Variants in CACNA1C observed in about 807,000 individuals in gnomAD.
CACNA1C encodes calcium voltage-gated channel subunit alpha1 C, also known as voltage-dependent L-type calcium channel subunit alpha-1C.
CACNA1C carries 30 observed loss-of-function variants against 229.0 expected under a neutral mutation model. The ratio of observed to expected loss-of-function variants is 0.13; its 90% CI spans 0.10 to 0.18. The LOEUF (loss-of-function observed/expected upper bound fraction) is 0.18. CACNA1C is among the 10% of genes least tolerant of loss of function. The pLI is 1.00. For missense variants in CACNA1C, 1,658 were observed against 2,845.0 expected (o/e 0.58, Z 9.49); for synonymous variants, 1,114 against 1,132.5 (o/e 0.98, Z 0.33).
chr12:2,359,162 C>T (rs1055455881), intron 3 of CACNA1C, among the ~76,000 whole-genome samples: 2 of 152,202 alleles, frequency 1.3e-5, no homozygotes, highest in African/African-American at 4.8e-5. Flanking sequence ...TGATGACCCA[C>T]CCATCTCCTA....
At chr12:2,291,386 A>G (rs2093486670) in intron 3 of CACNA1C, among the ~76,000 whole-genome samples, 1 of 152,018 alleles carries the variant, frequency 6.6e-6, no homozygotes, top group Admixed American at 6.6e-5. Context: ...TGCACCACCT[A>G]CTGGTGGTTT....
In CACNA1C at chr12:2,585,720, G is replaced by C. The variant is rs185358809; in HGVS notation, c.2461-115G>C. On this transcript the variant is annotated intron_variant, in intron 17 of 46. Coordinates refer to ENST00000399655, the MANE Select transcript of CACNA1C (RefSeq NM_000719.7). The surrounding 1 kb of genome is among the most constrained non-coding windows in gnomAD (Gnocchi z 4.1). ...TTGAAGGAGATATGCAAAGTGACAAGTACCTATTTTTGAGCTAAGTCACTG... is the reference window on the plus strand; with the variant it reads ...TTGAAGGAGATATGCAAAGTGACAACTACCTATTTTTGAGCTAAGTCACTG... 3.2e-4 allele frequency: 295 copies of C among 924,286 alleles called. No individual in the cohort carries two copies. The highest frequency in any genetic ancestry group is 3.5e-4 in the Non-Finnish European group (204 of 575,500). The allele number at this position is 924,286 out of a possible 1,614,324, so 57.3% of individuals were successfully genotyped here. A position where few individuals can be genotyped will look rare whatever the true frequency, so the allele number is the denominator to read the frequency against.
chr12:2,373,329 C>T (rs1056168935), intron 3 of CACNA1C, among the ~76,000 whole-genome samples: 21 of 152,196 alleles, frequency 1.4e-4, no homozygotes, highest in African/African-American at 5.1e-4. Flanking sequence ...GGGGTTTCTC[C>T]TCTCCTGGCA....
chr12:2,368,055 AT>A (rs1343975967), intron 3 of CACNA1C, among the ~76,000 whole-genome samples: 1 of 152,226 alleles, frequency 6.6e-6, no homozygotes, highest in East Asian at 1.9e-4. Context: ...ATGCTGGGAA[AT>A]TTAATACTAT....
chr12:2,394,209 C>T (rs1595096654), intron 3 of CACNA1C, among the ~76,000 whole-genome samples: 1 of 152,172 alleles, frequency 6.6e-6, no homozygotes, highest in Non-Finnish European at 1.5e-5. Context: ...GGAGGCCTGT[C>T]GTCTGCACTC....
At chr12:1,998,672 ATTTCT>A (rs890353783) in intron 1 of CACNA1C, among the ~76,000 whole-genome samples, 1 of 152,196 alleles carries the variant, frequency 6.6e-6, no homozygotes, top group African/African-American at 2.4e-5. Context: ...GTCACTTCAC[ATTTCT>A]TTTCCATTTC....
chr12:2,529,283 A>G (rs1018790942), intron 9 of CACNA1C, among the ~76,000 whole-genome samples: 4 of 152,104 alleles, frequency 2.6e-5, no homozygotes, highest in Admixed American at 6.5e-5. Flanking sequence ...CCGCTCCTTC[A>G]TGCTCCCAGA....
In CACNA1C at chr12:2,605,726, C is replaced by T. The variant is rs917266570; in HGVS notation, c.3096C>T (p.Ile1032=). Residue 1032 remains isoleucine, a synonymous_variant, in exon 24 of 47, where the codon ATC becomes ATT. Transcript: ENST00000399655. This position sits in a 1 kb window ranked among gnomAD's most constrained non-coding sequence, Gnocchi z 6.2. ...VFVAIRTIGN[I]VIVTTLLQFM... ...TCGCCATCCGGACCATCGGGAACAT[C>T]GTGATTGTCACCACCCTGCTGCAGT... The T allele has an allele frequency of 3.7e-6, 6 of 1,614,044 alleles. No individual in the cohort carries two copies. The Admixed American group carries it at 5.0e-5, about 13-fold the overall frequency.
intron 9 of CACNA1C, among the ~76,000 whole-genome samples, chr12:2,526,083 G>A (rs1332454915): frequency 1.1e-4 from 17 of 152,184 alleles, no homozygotes. Flanking sequence ...GGGAGAGAAG[G>A]GCTGGCTCAT....
intron 7 of CACNA1C, among the ~76,000 whole-genome samples, chr12:2,500,334 T>C (rs2099756546): frequency 6.6e-6 from 1 of 152,114 alleles, no homozygotes; most frequent in Admixed American, 6.5e-5. Flanking sequence ...CCTCTCACCT[T>C]GTGTGTGGCG....
intron 3 of CACNA1C, among the ~76,000 whole-genome samples, chr12:2,339,873 A>G (rs1252112222): frequency 6.6e-6 from 1 of 152,246 alleles, no homozygotes; most frequent in East Asian, 1.9e-4. Flanking sequence ...AAGTTCATTC[A>G]AAATCTCAGA....
In CACNA1C at chr12:2,115,269, C is replaced by A; in HGVS notation, c.95C>A (p.Ala32Asp). ...CGCCCCGCCCATGCCAACATGAATG[C>A]CAATGCGGCAGCGGGGCTGGCCCCT... ...SPRPAHANMN[A>D]NAAAGLAPEH... The change falls in exon 2 of 47, where the codon GCC becomes GAC. Residue 32 changes from alanine (A) to aspartate (D), a missense_variant. Physicochemically the swap from Ala to Asp is moderately radical, Grantham distance 126. Transcript: ENST00000399655. 1 of 1,591,926 alleles carries A rather than the reference C, an allele frequency of 6.3e-7. No homozygotes were observed.
intron 7 of CACNA1C, among the ~76,000 whole-genome samples, chr12:2,498,592 C>G (rs947199568): frequency 3.3e-5 from 5 of 152,202 alleles, no homozygotes; most frequent in African/African-American, 1.2e-4. Flanking sequence ...AAGAATAAGG[C>G]CTGCCCAGGC....
chr12:2,672,425 T>G (rs917588874), intron 38 of CACNA1C, among the ~76,000 whole-genome samples: 1 of 152,180 alleles, frequency 6.6e-6, no homozygotes, highest in African/African-American at 2.4e-5. Flanking sequence ...GATCACAAAC[T>G]GGGCAGCTGG....
chr12:2,324,086 C>T (rs1345967377), intron 3 of CACNA1C, among the ~76,000 whole-genome samples: 1 of 152,134 alleles, frequency 6.6e-6, no homozygotes, highest in Admixed American at 6.5e-5. Context: ...TATATATAAC[C>T]CAAATGTCCA....
At chr12:2,124,716 T>C (rs1362116586) in intron 3 of CACNA1C, among the ~76,000 whole-genome samples, 1 of 151,898 alleles carries the variant, frequency 6.6e-6, no homozygotes. Context: ...GGGTAACCAG[T>C]TGGATATCAT....
At chr12:2,450,567 A>G (rs998017206) in intron 4 of CACNA1C, among the ~76,000 whole-genome samples, 1 of 147,934 alleles carries the variant, frequency 6.8e-6, no homozygotes, top group South Asian at 2.1e-4. Flanking sequence ...AAAAAAAAAA[A>G]AAAAAAAAAA....
intron 3 of CACNA1C, among the ~76,000 whole-genome samples, chr12:2,409,524 A>G (rs1318249441): frequency 6.6e-6 from 1 of 152,236 alleles, no homozygotes; most frequent in African/African-American, 2.4e-5. Flanking sequence ...GACGGTCACT[A>G]CAGGTAGAAT....
chr12:2,022,463 CTTTTTTTT>C (rs71057815), intron 1 of CACNA1C, among the ~76,000 whole-genome samples: 1 of 133,616 alleles, frequency 7.5e-6, no homozygotes, highest in African/African-American at 2.8e-5. Flanking sequence ...CCCTAAGGAA[CTTTTTTTT>C]TTTTTTTTTG....
Sources: allele counts gnomAD v4.1 joint callset (sites outside exome capture counted in the v4.1 genomes callset), GRCh38; gene constraint gnomAD v4.1.1; non-coding constraint Gnocchi (gnomAD v3.1); transcripts MANE v1.5; gene names NCBI Gene and HGNC (gene_info 2026-07-23, HGNC 2026-07-21).